DOCK2: variants seen among roughly 807,000 people sequenced by gnomAD.
DOCK2 encodes dedicator of cytokinesis protein 2.
A neutral mutation model predicts 248.9 loss-of-function variants in DOCK2; 87 were observed. The ratio of observed to expected loss-of-function variants is 0.35; its 90% CI spans 0.29 to 0.42. The LOEUF is 0.42. Ranked by LOEUF, DOCK2 falls within the 10% of genes least tolerant of loss-of-function variation. The probability of loss-of-function intolerance (pLI) is 1.00; values close to 1 mark genes in which losing one functional copy is unlikely to be tolerated. For missense variants in DOCK2, 1,747 were observed against 2,300.2 expected, an observed-to-expected ratio of 0.76 and a Z score of 4.92; for synonymous variants, 805 against 821.6, an observed-to-expected ratio of 0.98 and a Z score of 0.35.
At chr5:169,831,116 A>T (rs1363123419) in intron 26 of DOCK2, among the ~76,000 whole-genome samples, 1 of 152,134 alleles carries the variant, frequency 6.6e-6, no homozygotes, top group Admixed American at 6.5e-5. Flanking sequence ...TTATCCCTTT[A>T]ACCTCACATC....
At chr5:169,818,935 A>G (rs1052472795) in intron 26 of DOCK2, among the ~76,000 whole-genome samples, 2 of 152,174 alleles carry the variant, frequency 1.3e-5, no homozygotes, top group African/African-American at 2.4e-5. Flanking sequence ...TTATTCATGC[A>G]TACTTTATAT....
At position 170,008,563 on chromosome 5, in the gene DOCK2, T is replaced by C. The variant is rs1755154486; in HGVS notation, c.3139T>C (p.Phe1047Leu). Reference protein sequence around the residue: ...ITQDSLQLEQFSHAKYNKILN... With the variant: ...ITQDSLQLEQLSHAKYNKILN... ...CCAGGATTCTCTGCAGCTGGAGCAG[T>C]TCTCACACGCCAAATACAACAAAAT... The change falls in exon 31 of 52, where the codon TTC (phenylalanine) becomes CTC (leucine). Residue 1047 changes from phenylalanine (F) to leucine (L), a missense_variant. By Grantham distance (22) the Phe-to-Leu change is conservative. Coordinates refer to ENST00000520908, the MANE Select transcript of DOCK2 (RefSeq NM_004946.3). The C allele has an allele frequency of 6.2e-7, 1 of 1,614,134 alleles. No homozygotes were observed. The highest frequency in any genetic ancestry group is 1.1e-5 in the South Asian group (1 of 91,090).
intron 1 of DOCK2, among the ~76,000 whole-genome samples, chr5:169,653,059 G>A (rs923419961): frequency 3.3e-5 from 5 of 152,226 alleles, no homozygotes; most frequent in African/African-American, 1.2e-4. Flanking sequence ...GGCAAGGCAA[G>A]TAACCTCTCT....
chr5:169,952,698 C>T (rs1368981788), intron 27 of DOCK2, among the ~76,000 whole-genome samples: 1 of 152,172 alleles, frequency 6.6e-6, no homozygotes, highest in African/African-American at 2.4e-5. Flanking sequence ...TATCATGCTC[C>T]AGCCAGCCTT....
chr5:170,072,277 G>T (rs138579534), intron 46 of DOCK2, among the ~76,000 whole-genome samples: 1 of 152,138 alleles, frequency 6.6e-6, no homozygotes, highest in Non-Finnish European at 1.5e-5. Flanking sequence ...AGTACAGTAT[G>T]TACTACTGTA....
intron 26 of DOCK2, among the ~76,000 whole-genome samples, chr5:169,831,754 A>C (rs1769242008): frequency 6.6e-6 from 1 of 152,226 alleles, no homozygotes; most frequent in African/African-American, 2.4e-5. Context: ...ATTAGCTCTC[A>C]GTGTTGGAAT....
In DOCK2 at chr5:170,083,032, C is replaced by T. The variant is rs1206631646; in HGVS notation, c.*174C>T. 1.4e-5 allele frequency: 10 copies of T among 707,606 alleles called. No homozygotes were observed. The Admixed American group carries it at 2.6e-4, about 18-fold the overall frequency. The allele number at this position is 707,606 out of a possible 1,614,324, so 43.8% of individuals were successfully genotyped here. A position where few individuals can be genotyped will look rare whatever the true frequency, so the allele number is the denominator to read the frequency against. On this transcript the variant is annotated 3_prime_UTR_variant, in exon 52 of 52. Transcript: ENST00000520908. ...CCCAGAGCTTGAATGCTAACAAGCC[C>T]AGCATCCCCTGGGGCTGTGATCATG...
intron 27 of DOCK2, among the ~76,000 whole-genome samples, chr5:169,974,527 A>G (rs1777644085): frequency 3.3e-5 from 5 of 152,186 alleles, no homozygotes. Context: ...CAGAGACTTC[A>G]CATCCTGTTG....
At chr5:169,911,606 C>T (rs926053068) in intron 27 of DOCK2, among the ~76,000 whole-genome samples, 6 of 152,204 alleles carry the variant, frequency 3.9e-5, no homozygotes, top group East Asian at 1.9e-4. Flanking sequence ...CTTCATTTCA[C>T]GTGGTGCTAA....
At chr5:169,752,424 A>G (rs1581139472) in intron 23 of DOCK2, among the ~76,000 whole-genome samples, 1 of 152,032 alleles carries the variant, frequency 6.6e-6, no homozygotes, top group Non-Finnish European at 1.5e-5. Flanking sequence ...GTGCTCAAAT[A>G]TCTACTGTCT....
chr5:169,665,870 C>T (rs781295693), intron 2 of DOCK2, among the ~76,000 whole-genome samples: 10 of 152,116 alleles, frequency 6.6e-5, no homozygotes, highest in Non-Finnish European at 1.3e-4. Context: ...CCTCCCTTGA[C>T]TCTTAGAGGA....
At chr5:169,879,339 G>A (rs990097240) in intron 27 of DOCK2, among the ~76,000 whole-genome samples, 3 of 152,060 alleles carry the variant, frequency 2.0e-5, no homozygotes, top group South Asian at 4.1e-4. Flanking sequence ...AGAACACAAC[G>A]CAAGTTTGAA....
rs143075661 is a variant in DOCK2 at position 169,832,886 on chromosome 5, T to A, written c.2704-7871T>A. 1.3e-3 allele frequency among the ~76,000 whole-genome samples: 203 copies of A among 152,276 alleles called. 1 individual carries two copies. The highest frequency in any genetic ancestry group is 4.6e-3 in the African/African-American group (190 of 41,572). ...AAAAATGTAGGCCTTTGGATTTCAC[T>A]CTGTAGCTGTGACCTTGTGATCTTC... On this transcript the variant is annotated intron_variant, in intron 26 of 51. Coordinates refer to ENST00000520908, the MANE Select transcript of DOCK2 (RefSeq NM_004946.3).
intron 27 of DOCK2, among the ~76,000 whole-genome samples, chr5:169,915,681 G>C (rs978504630): frequency 6.6e-6 from 1 of 151,354 alleles, no homozygotes; most frequent in Admixed American, 6.6e-5. Context: ...TCATTATTTA[G>C]ATCTATTTTC....
At chr5:169,874,040 G>T (rs1561784556) in intron 27 of DOCK2, among the ~76,000 whole-genome samples, 1 of 151,556 alleles carries the variant, frequency 6.6e-6, no homozygotes, top group Non-Finnish European at 1.5e-5. Flanking sequence ...CTCTTGCAGA[G>T]AATCTCCTTT....
At chr5:169,866,397 G>A (rs1250688226) in intron 27 of DOCK2, among the ~76,000 whole-genome samples, 1 of 152,226 alleles carries the variant, frequency 6.6e-6, no homozygotes, top group Non-Finnish European at 1.5e-5. Context: ...CCCACTTCCA[G>A]GCTATGGTGT....
At chr5:169,643,810 G>A (rs918380116) in intron 1 of DOCK2, among the ~76,000 whole-genome samples, 1 of 152,200 alleles carries the variant, frequency 6.6e-6, no homozygotes, top group South Asian at 2.1e-4. Context: ...TCACGGCACA[G>A]GGTCTGAATG....
intron 22 of DOCK2, among the ~76,000 whole-genome samples, chr5:169,728,644 G>T (rs565317900): frequency 6.6e-6 from 1 of 152,292 alleles, no homozygotes. Flanking sequence ...CCAGAGCTTA[G>T]CATCTTTCCT....
intron 25 of DOCK2, chr5:169,779,371 G>C (rs1765561429): frequency 6.6e-6 from 1 of 152,240 alleles, no homozygotes; most frequent in Non-Finnish European, 1.5e-5. Context: ...ACTTAGGGAG[G>C]GGGTGGTGGG....
Sources: gnomAD v4.1 joint callset for allele counts (sites outside exome capture counted in the v4.1 genomes callset) on GRCh38, gnomAD v4.1.1 for gene constraint, MANE v1.5 for transcripts, NCBI Gene and HGNC (gene_info 2026-07-23, HGNC 2026-07-21) for gene names.